The following ARSF variants were observed in gnomAD, a reference collection of about 807,000 sequenced individuals.
The protein encoded by ARSF is arylsulfatase F.
In ARSF, 33 loss-of-function variants were observed where a neutral mutation model predicts 35.4. That is an observed-to-expected ratio of 0.93 (90% CI 0.71 to 1.25). The LOEUF (loss-of-function observed/expected upper bound fraction) is 1.25, where lower values mean the gene tolerates loss of function less well. Ranked by LOEUF, ARSF falls within the 50% of genes most tolerant of loss-of-function variation. The pLI is 0.00. For synonymous variants in ARSF, 222 were observed against 193.1 expected (o/e 1.15, Z -1.24); for missense variants, 501 against 480.2 (o/e 1.04, Z -0.40).
chrX:3,069,581 G>A (rs1189896129), intron 2 of ARSF, among the ~76,000 whole-genome samples: 1 of 110,801 alleles, frequency 9.0e-6, no homozygotes, highest in African/African-American at 3.3e-5. Flanking sequence ...CAAAGAGCTG[G>A]GATTACAGGT....
intron 1 of ARSF, among the ~76,000 whole-genome samples, chrX:3,047,539 C>G (rs4018644): frequency 5.4e-5 from 6 of 110,642 alleles, no homozygotes; most frequent in African/African-American, 2.0e-4. Context: ...GTGCAGGGCC[C>G]GCAGCTCACT....
At chrX:3,053,329 T>A (rs1290480337) in intron 1 of ARSF, among the ~76,000 whole-genome samples, 2 of 84,391 alleles carry the variant, frequency 2.4e-5, no homozygotes, top group Admixed American at 1.3e-4. Context: ...TATCCACAAC[T>A]TTTTTTTTTT....
chrX:3,092,176 GATAC>G (rs776181940), intron 7 of ARSF, among the ~76,000 whole-genome samples: 63 of 41,132 alleles, frequency 1.5e-3, no homozygotes, highest in African/African-American at 3.2e-3. Context: ...ATGATAGATA[GATAC>G]ATACATACAT....
At chrX:3,093,161 T>G (rs185191412) in intron 7 of ARSF, among the ~76,000 whole-genome samples, 2 of 111,289 alleles carry the variant, frequency 1.8e-5, no homozygotes, top group Admixed American at 9.5e-5. Flanking sequence ...CGAGACTCCG[T>G]CTCAAAAGAA....
At position 3,068,159 on chromosome X, in the gene ARSF, T is replaced by C. The variant is rs774663225; in HGVS notation, c.11+48T>C. ...TTGTGAGCACATTGAATCTAATGTA[T>C]AATTCTGTGTATTTGTGAATCCAGC... On this transcript the variant is annotated intron_variant, in intron 2 of 10. Coordinates refer to ENST00000381127, the MANE Select transcript of ARSF (RefSeq NM_001201539.2). 2.4e-5 allele frequency: 27 copies of C among 1,127,442 alleles called. No homozygotes were observed. In the Middle Eastern group the frequency reaches 1.7e-3, roughly 71 times the overall value. The allele number at this position is 1,127,442 out of a possible 1,213,427, so 92.9% of individuals were successfully genotyped here.
chrX:3,112,055 C>T (rs760339021), intron 10 of ARSF, 119 bp from the exon 11 acceptor site: 67 of 548,100 alleles, frequency 1.2e-4, no homozygotes, highest in Admixed American at 3.9e-4. Context: ...TAACAGGCCA[C>T]GAACAGGTAC....
intron 1 of ARSF, among the ~76,000 whole-genome samples, chrX:3,044,510 A>G (rs921882433): frequency 2.7e-5 from 3 of 110,803 alleles, no homozygotes; most frequent in African/African-American, 9.9e-5. Flanking sequence ...AAACTGAAAG[A>G]TGATGAATGT....
intron 1 of ARSF, among the ~76,000 whole-genome samples, chrX:3,051,899 G>A (rs190706487): frequency 9.0e-6 from 1 of 110,508 alleles, no homozygotes; most frequent in Non-Finnish European, 1.9e-5. Context: ...GGGCTGAGGT[G>A]GGAGGATTGC....
chrX:3,060,531 G>C (rs1240228744), intron 1 of ARSF, among the ~76,000 whole-genome samples: 1 of 111,581 alleles, frequency 9.0e-6, no homozygotes, highest in African/African-American at 3.3e-5. Context: ...TAAAGGAAAT[G>C]TTCAAACCCA....
At chrX:3,063,463 G>T (rs147164636) in intron 1 of ARSF, among the ~76,000 whole-genome samples, 1 of 111,087 alleles carries the variant, frequency 9.0e-6, no homozygotes, top group Non-Finnish European at 1.9e-5. Context: ...AGGGCAATCA[G>T]GCAAGAGAAA....
intron 4 of ARSF, among the ~76,000 whole-genome samples, chrX:3,079,823 G>A (rs1448273718): frequency 9.3e-6 from 1 of 107,026 alleles, no homozygotes; most frequent in Non-Finnish European, 1.9e-5. Context: ...GCTGGGCATG[G>A]TGGTACATAC....
At chrX:3,077,258 T>A (rs2090159631) in intron 4 of ARSF, among the ~76,000 whole-genome samples, 1 of 112,277 alleles carries the variant, frequency 8.9e-6, no homozygotes, top group Admixed American at 9.5e-5. Flanking sequence ...TCAACAAAGA[T>A]AAGCTGTCTT....
chrX:3,061,198 T>A lies in ARSF; in HGVS notation c.-28-6875T>A, dbSNP rs142515640. ...CAATCCAGAATTTCATATCCAGCCATACTAAGCTTCACAAGTGAAGGAGAA... is the reference window on the plus strand; with the variant it reads ...CAATCCAGAATTTCATATCCAGCCAAACTAAGCTTCACAAGTGAAGGAGAA... On this transcript the variant is annotated intron_variant, in intron 1 of 10. Transcript: ENST00000381127. Among the ~76,000 whole-genome samples, 1,033 of 111,005 alleles carry A rather than the reference T, an allele frequency of 9.3e-3. 16 individuals are homozygous for A. Among genetic ancestry groups the A allele is most frequent in the African/African-American group, 0.032 (980 of 30,536 alleles).
At chrX:3,108,124 G>T (rs2090422350) in intron 9 of ARSF, among the ~76,000 whole-genome samples, 1 of 111,847 alleles carries the variant, frequency 8.9e-6, no homozygotes, top group Admixed American at 9.5e-5. Flanking sequence ...CAGTATACGT[G>T]TTGGTCAATT....
intron 4 of ARSF, among the ~76,000 whole-genome samples, chrX:3,079,646 A>G (rs1033847612): frequency 9.1e-6 from 1 of 109,548 alleles, no homozygotes; most frequent in African/African-American, 3.3e-5. Flanking sequence ...ATCCAGTCAT[A>G]TAGTTCTATT....
chrX:3,065,040 G>A (rs1376831668), intron 1 of ARSF, among the ~76,000 whole-genome samples: 1 of 111,292 alleles, frequency 9.0e-6, no homozygotes, highest in Non-Finnish European at 1.9e-5. Flanking sequence ...CAACCCAAAT[G>A]TCCATCAATG....
chrX:3,046,126 TCCGC>T (rs1401004702), intron 1 of ARSF, among the ~76,000 whole-genome samples: 1 of 111,266 alleles, frequency 9.0e-6, no homozygotes, highest in Non-Finnish European at 1.9e-5. Flanking sequence ...CCTCAGATGA[TCCGC>T]CCGCCTCGGC....
rs200643003 is a variant in ARSF, at chrX:3,092,180, C to CATAG, written c.967+2551_967+2552insGATA. On this transcript the variant is annotated intron_variant, in intron 7 of 10. Transcript: ENST00000381127. ...TAGGTAGATAGATGATAGATAGATA[C>CATAG]ATACATACATACATACATACATACA... Among the ~76,000 whole-genome samples, 829 of 105,833 alleles carry CATAG rather than the reference C, an allele frequency of 7.8e-3. 10 individuals are homozygous for CATAG. Among genetic ancestry groups the CATAG allele is most frequent in the African/African-American group, 0.028 (777 of 28,148 alleles). The allele number at this position is 105,833 out of a possible 115,157, so 91.9% of individuals were successfully genotyped here.
chrX:3,074,387 C>T (rs984334181), intron 3 of ARSF, among the ~76,000 whole-genome samples: 23 of 110,861 alleles, frequency 2.1e-4, no homozygotes, highest in African/African-American at 6.9e-4. Context: ...CAGATGCACA[C>T]CTTGGTAAAG....
Sources: gnomAD v4.1 joint callset for allele counts (sites outside exome capture counted in the v4.1 genomes callset) on GRCh38, gnomAD v4.1.1 for gene constraint, MANE v1.5 for transcripts, NCBI Gene and HGNC (gene_info 2026-07-23, HGNC 2026-07-21) for gene names.